Variants in FGF14 observed in about 807,000 individuals in gnomAD.
FGF14 encodes the protein fibroblast growth factor 14.
Under a neutral mutation model 25.5 loss-of-function variants are expected in FGF14, and 5 were observed. That is an observed-to-expected ratio of 0.20 (90% CI 0.10 to 0.41). The LOEUF (loss-of-function observed/expected upper bound fraction) is 0.41, where lower values mean the gene tolerates loss of function less well. Ranked by LOEUF, FGF14 falls within the 10% of genes least tolerant of loss-of-function variation. The pLI is 1.00. For missense variants in FGF14, 222 were observed against 320.1 expected, an observed-to-expected ratio of 0.69 and a Z score of 2.34; for synonymous variants, 138 against 118.3, an observed-to-expected ratio of 1.17 and a Z score of -1.08.
chr13:101,849,593 G>A (rs113664291), intron 3 of FGF14, among the ~76,000 whole-genome samples: 11 of 152,100 alleles, frequency 7.2e-5, no homozygotes, highest in Admixed American at 2.6e-4. Flanking sequence ...TATGACTTAC[G>A]TATGCGACCA....
intron 1 of FGF14, among the ~76,000 whole-genome samples, chr13:101,889,040 C>T (rs1046989298): frequency 1.3e-5 from 2 of 152,076 alleles, no homozygotes; most frequent in African/African-American, 4.8e-5. Flanking sequence ...AGGTAAAAGA[C>T]CACAGGTAGA....
At chr13:102,277,416 C>T (rs2053601772) in intron 1 of FGF14, among the ~76,000 whole-genome samples, 1 of 152,222 alleles carries the variant, frequency 6.6e-6, no homozygotes, top group African/African-American at 2.4e-5. Flanking sequence ...CCCTCCCTCC[C>T]AGGCAAGAGC....
At chr13:101,850,661 C>T (rs995797495) in intron 3 of FGF14, among the ~76,000 whole-genome samples, 2 of 137,342 alleles carry the variant, frequency 1.5e-5, no homozygotes, top group East Asian at 4.2e-4. Flanking sequence ...TCTATATATT[C>T]TATATAGAGA....
At chr13:101,939,386 G>A (rs1301145499) in intron 1 of FGF14, among the ~76,000 whole-genome samples, 1 of 152,158 alleles carries the variant, frequency 6.6e-6, no homozygotes, top group Non-Finnish European at 1.5e-5. Context: ...GCCACAGGCA[G>A]CTTACTAAAC....
intron 1 of FGF14, among the ~76,000 whole-genome samples, chr13:102,375,576 C>T (rs1003344193): frequency 1.3e-4 from 19 of 151,974 alleles, no homozygotes; most frequent in African/African-American, 1.9e-4. Flanking sequence ...AATAAATACT[C>T]GAAATTCAAT....
intron 1 of FGF14, among the ~76,000 whole-genome samples, chr13:102,115,842 C>T (rs112309096): frequency 1.8e-4 from 28 of 152,074 alleles, no homozygotes; most frequent in African/African-American, 4.1e-4. Context: ...CAGGGTGTGG[C>T]GGCTCATGCC....
intron 1 of FGF14, among the ~76,000 whole-genome samples, chr13:101,971,389 T>C (rs527238199): frequency 0.011 from 1,584 of 142,420 alleles, 18 homozygotes; most frequent in Admixed American, 0.017. Context: ...TTTTTTTTTT[T>C]GAAATGGGTC....
At chr13:101,908,856 G>A (rs1409565069) in intron 1 of FGF14, among the ~76,000 whole-genome samples, 1 of 152,212 alleles carries the variant, frequency 6.6e-6, no homozygotes, top group Non-Finnish European at 1.5e-5. Context: ...CAAGGCTACA[G>A]TAACCAAAAC....
chr13:102,188,055 A>G (rs1283656474), intron 1 of FGF14, among the ~76,000 whole-genome samples: 1 of 152,222 alleles, frequency 6.6e-6, no homozygotes, highest in East Asian at 1.9e-4. Flanking sequence ...TCTGGAAAAT[A>G]CTGAACAATT....
intron 1 of FGF14, among the ~76,000 whole-genome samples, chr13:101,911,886 G>T (rs190247794): frequency 2.5e-4 from 38 of 152,188 alleles, no homozygotes; most frequent in African/African-American, 7.9e-4. Flanking sequence ...AATAAAAAGT[G>T]CTTTGAAGAA....
At chr13:102,119,337 GGGA>G (rs1755782958) in intron 1 of FGF14, among the ~76,000 whole-genome samples, 1 of 152,140 alleles carries the variant, frequency 6.6e-6, no homozygotes, top group South Asian at 2.1e-4. Context: ...CTATATCGTG[GGGA>G]GAGGGTAACT....
intron 1 of FGF14, among the ~76,000 whole-genome samples, chr13:102,089,414 G>A (rs1184837417): frequency 6.6e-6 from 1 of 152,128 alleles, no homozygotes; most frequent in African/African-American, 2.4e-5. Context: ...CAGTAAGATG[G>A]GCTTCCATTC....
chr13:101,916,413 G>A (rs766725083), intron 1 of FGF14, 40 bp downstream of exon 1: 6 of 1,611,156 alleles, frequency 3.7e-6, no homozygotes, highest in South Asian at 2.2e-5. Context: ...CGGGGAGGGG[G>A]CGACCCGGGG....
intron 1 of FGF14, among the ~76,000 whole-genome samples, chr13:102,322,054 G>A (rs1053802277): frequency 6.6e-6 from 1 of 152,178 alleles, no homozygotes; most frequent in African/African-American, 2.4e-5. Context: ...CACAAGGAGG[G>A]TGGCTGACAA....
intron 1 of FGF14, among the ~76,000 whole-genome samples, chr13:102,372,818 C>T (rs895383318): frequency 2.0e-5 from 3 of 152,094 alleles, no homozygotes; most frequent in Non-Finnish European, 4.4e-5. Flanking sequence ...TTTAAGTCCA[C>T]GAGCCCTTTC....
chr13:102,176,037 T>C (rs115918951), intron 1 of FGF14, among the ~76,000 whole-genome samples: 2,068 of 152,116 alleles, frequency 0.014, 46 homozygotes, highest in African/African-American at 0.048. Flanking sequence ...AAAACAGAAC[T>C]ACCACTTCAT....
intron 3 of FGF14, among the ~76,000 whole-genome samples, chr13:101,820,388 G>A (rs1566939876): frequency 6.6e-6 from 1 of 152,046 alleles, no homozygotes; most frequent in Non-Finnish European, 1.5e-5. Flanking sequence ...TAAAATAAAC[G>A]TTGGCTGATA....
chr13:101,815,312 G>A (rs1216408899), intron 3 of FGF14, among the ~76,000 whole-genome samples: 1 of 152,118 alleles, frequency 6.6e-6, no homozygotes, highest in Non-Finnish European at 1.5e-5. Flanking sequence ...GCATGAAAGA[G>A]GTAATGTTAA....
intron 1 of FGF14, among the ~76,000 whole-genome samples, chr13:102,086,939 T>C (rs962494387): frequency 2.6e-5 from 4 of 152,176 alleles, no homozygotes; most frequent in Admixed American, 2.0e-4. Flanking sequence ...GTGGAGTGAA[T>C]TGGGAATCAC....
Sources: gnomAD v4.1 joint callset for allele counts (sites outside exome capture counted in the v4.1 genomes callset) on GRCh38, gnomAD v4.1.1 for gene constraint, MANE v1.5 for transcripts, NCBI Gene and HGNC (gene_info 2026-07-23, HGNC 2026-07-21) for gene names.